GABRR1: variants seen among roughly 807,000 people sequenced by gnomAD.
GABRR1 encodes gamma-aminobutyric acid type A receptor subunit rho1.
Under a neutral mutation model 55.5 loss-of-function variants are expected in GABRR1, and 59 were observed. That is an observed-to-expected ratio of 1.06 (90% CI 0.86 to 1.32). The LOEUF is 1.32. Among genes scored for constraint, GABRR1 ranks in the 40% most tolerant of loss-of-function variants. GABRR1 has a pLI of 0.00. For missense variants in GABRR1, 602 were observed against 619.1 expected (o/e 0.97, Z 0.29); for synonymous variants, 213 against 226.0 (o/e 0.94, Z 0.51).
At chr6:89,206,450 A>G (rs1029897231) in intron 1 of GABRR1, among the ~76,000 whole-genome samples, 1 of 152,090 alleles carries the variant, frequency 6.6e-6, no homozygotes, top group African/African-American at 2.4e-5. Context: ...TTTGTTACCC[A>G]GACAACTCCA....
intron 6 of GABRR1, among the ~76,000 whole-genome samples, chr6:89,189,942 A>G (rs973807544): frequency 1.3e-5 from 2 of 152,054 alleles, no homozygotes; most frequent in Admixed American, 1.3e-4. Context: ...GCTACTCGGG[A>G]GGCTGAGGCA....
chr6:89,225,921 C>T (rs1773193744), intron 1 of GABRR1, among the ~76,000 whole-genome samples: 1 of 147,114 alleles, frequency 6.8e-6, no homozygotes, highest in African/African-American at 2.6e-5. Context: ...TCCTCTCCAG[C>T]ACCTGTTGTT....
intron 3 of GABRR1, 101 bp downstream of exon 3, chr6:89,201,058 G>A (rs1276186211): frequency 3.1e-5 from 25 of 808,840 alleles, no homozygotes; most frequent in African/African-American, 1.4e-4. Context: ...GAGGCAGACC[G>A]GGTCAGCGGA....
Position 89,216,011 on chromosome 6 carries a change from G to A in GABRR1, c.122+1190C>T, listed in dbSNP as rs147032854. On this transcript the variant is annotated intron_variant, in intron 1 of 9. Coordinates refer to ENST00000454853, the MANE Select transcript of GABRR1 (RefSeq NM_002042.5). ...CACATTTGGATCAAATAATCTCTAC[G>A]GCTGCACCAATCCACAAGTTCCAGT... 3.8e-3 allele frequency among the ~76,000 whole-genome samples: 581 copies of A among 152,136 alleles called. 1 individual carries two copies. The highest frequency in any genetic ancestry group is 6.1e-3 in the Non-Finnish European group (414 of 68,010).
chr6:89,194,471 A>G (rs999454291), intron 5 of GABRR1, among the ~76,000 whole-genome samples: 2 of 152,146 alleles, frequency 1.3e-5, no homozygotes, highest in Non-Finnish European at 2.9e-5. Context: ...TAATCCTTCA[A>G]TGCAAAGACA....
intron 1 of GABRR1, among the ~76,000 whole-genome samples, chr6:89,210,414 T>C (rs1161449028): frequency 6.6e-6 from 1 of 151,988 alleles, no homozygotes; most frequent in East Asian, 1.9e-4. Flanking sequence ...GGCTGGTCTC[T>C]AACTCCTGGG....
intron 1 of GABRR1, among the ~76,000 whole-genome samples, chr6:89,230,746 G>A (rs1474382568): frequency 1.3e-5 from 2 of 151,832 alleles, no homozygotes; most frequent in Non-Finnish European, 2.9e-5. Flanking sequence ...CAGAGGTGGA[G>A]CCTACAGTGG....
At chr6:89,196,844 AAAGAAAGAAAGAAAG>A (rs1772300872) in intron 5 of GABRR1, among the ~76,000 whole-genome samples, 1 of 126,006 alleles carries the variant, frequency 7.9e-6, no homozygotes, top group Non-Finnish European at 1.7e-5. Context: ...AGAAAGAAAG[AAAGAAAGAAAGAAAG>A]AAAGAAAGAA....
rs777181618 is a variant in GABRR1, at chr6:89,181,990, A to C, written c.864T>G (p.Thr288=). The change falls in exon 8 of 10, where the codon ACT becomes ACG. Residue 288 remains threonine, a synonymous_variant. Coordinates refer to ENST00000454853, the MANE Select transcript of GABRR1 (RefSeq NM_002042.5). ...TGACCATCAGGGTAGCGGGGAAATA[A>C]GTTTGGAGCAAGAAGAAGAAGATGT... ...RRHIFFFLLQ[T]YFPATLMVML... The C allele has an allele frequency of 6.2e-7, 1 of 1,614,192 alleles. No homozygotes were observed. Among genetic ancestry groups the C allele is most frequent in the Non-Finnish European group, 8.5e-7 (1 of 1,180,040 alleles).
At chr6:89,193,938 A>G (rs1332147570) in intron 5 of GABRR1, among the ~76,000 whole-genome samples, 4 of 152,174 alleles carry the variant, frequency 2.6e-5, no homozygotes, top group African/African-American at 7.2e-5. Flanking sequence ...CACCAAATGC[A>G]TGGAAAATCT....
intron 1 of GABRR1, among the ~76,000 whole-genome samples, chr6:89,207,643 T>C (rs563562451): frequency 2.4e-4 from 37 of 152,286 alleles, no homozygotes; most frequent in African/African-American, 8.9e-4. Flanking sequence ...AGTGGACATG[T>C]AGCACACAAC....
Position 89,185,897 on chromosome 6 carries a change from G to A in GABRR1, c.656-447C>T, listed in dbSNP as rs998940042. Among the ~76,000 whole-genome samples, 18 of 152,276 alleles carry A rather than the reference G, an allele frequency of 1.2e-4. 1 individual carries two copies. Among genetic ancestry groups the A allele is most frequent in the African/African-American group, 4.3e-4 (18 of 41,558 alleles). On this transcript the variant is annotated intron_variant, in intron 6 of 9. Transcript: ENST00000454853. ...TGGCAAGCACCTGTAAACACTATCA[G>A]GTAATAAAGGCTGAATTTTAGCAAG...
chr6:89,201,061 T>A lies in GABRR1; in HGVS notation c.280+98A>T, dbSNP rs117059601. ...CCAAGCACAACTGAGGCAGACCGGG[T>A]CAGCGGAGAGCAAAGCTGTGCTGTC... On this transcript the variant is annotated intron_variant, in intron 3 of 9. Coordinates refer to ENST00000454853, the MANE Select transcript of GABRR1 (RefSeq NM_002042.5). The A allele has an allele frequency of 3.8e-3, 3,206 of 837,010 alleles. 7 individuals are homozygous for A. The highest frequency in any genetic ancestry group is 8.1e-3 in the Middle Eastern group (23 of 2,854). The allele number at this position is 837,010 out of a possible 1,614,324, so 51.8% of individuals were successfully genotyped here. A position where few individuals can be genotyped will look rare whatever the true frequency, so the allele number is the denominator to read the frequency against.
chr6:89,188,100 T>C (rs1189188777), intron 6 of GABRR1, among the ~76,000 whole-genome samples: 1 of 152,090 alleles, frequency 6.6e-6, no homozygotes, highest in Non-Finnish European at 1.5e-5. Context: ...CACTGCAGCC[T>C]GCAGCCTCAG....
Position 89,182,041 on chromosome 6 carries a change from G to A in GABRR1, c.813C>T (p.Leu271=), listed in dbSNP as rs779636783. 6.2e-7 allele frequency: 1 copy of A among 1,614,120 alleles called. No homozygotes were observed. The highest frequency in any genetic ancestry group is 8.5e-7 in the Non-Finnish European group (1 of 1,180,010). Residue 271 remains leucine, a synonymous_variant, in exon 8 of 10, where the codon CTC becomes CTT. Transcript: ENST00000454853. The part of the protein sequence containing the change: ...FYSSTGWYNR[L]YINFTLRRHI... ...GGCGACGCAACGTGAAATTAATGTA[G>A]AGACGGTTGTACCAGCCTGGGGGAC... is the stretch of plus-strand genomic sequence containing the variant.
At chr6:89,228,038 T>C (rs2127813406) in intron 1 of GABRR1, among the ~76,000 whole-genome samples, 1 of 92,490 alleles carries the variant, frequency 1.1e-5, no homozygotes, top group South Asian at 3.7e-4. Context: ...CTAGATTTTC[T>C]AGTTTATTTG....
chr6:89,202,949 C>A (rs1371803423), intron 2 of GABRR1, among the ~76,000 whole-genome samples: 2 of 151,666 alleles, frequency 1.3e-5, no homozygotes, highest in Non-Finnish European at 2.9e-5. Flanking sequence ...CCCTGGCCTG[C>A]AAGCAACTCC....
chr6:89,222,928 T>C (rs1274912006), intron 1 of GABRR1, among the ~76,000 whole-genome samples: 1 of 152,228 alleles, frequency 6.6e-6, no homozygotes, highest in African/African-American at 2.4e-5. Flanking sequence ...AATAGACCGT[T>C]AAACTATGAC....
At chr6:89,195,498 A>G (rs559389912) in intron 5 of GABRR1, among the ~76,000 whole-genome samples, 23 of 152,230 alleles carry the variant, frequency 1.5e-4, no homozygotes, top group Non-Finnish European at 2.6e-4. Flanking sequence ...CTGGCAACAG[A>G]CTTCCCAATG....
Sources: allele counts gnomAD v4.1 joint callset (sites outside exome capture counted in the v4.1 genomes callset), GRCh38; gene constraint gnomAD v4.1.1; transcripts MANE v1.5; gene names NCBI Gene and HGNC (gene_info 2026-07-23, HGNC 2026-07-21).